Variants in TEKT5 observed in about 807,000 individuals in gnomAD.
TEKT5 encodes the protein tektin 5.
In TEKT5, 52 loss-of-function variants were observed where a neutral mutation model predicts 48.7. The observed-to-expected ratio is 1.07, with a 90% confidence interval of 0.86 to 1.35. The LOEUF (loss-of-function observed/expected upper bound fraction) is 1.35. TEKT5 is among the 40% of genes most tolerant of loss of function. The probability of loss-of-function intolerance (pLI) is 0.00; values close to 1 mark genes in which losing one functional copy is unlikely to be tolerated. For synonymous variants in TEKT5, 318 were observed against 267.6 expected (o/e 1.19, Z -1.84); for missense variants, 831 against 641.6 (o/e 1.30, Z -3.19).
chr16:10,679,206 T>C (rs903722354), intron 4 of TEKT5, among the ~76,000 whole-genome samples: 7 of 152,138 alleles, frequency 4.6e-5, no homozygotes, highest in African/African-American at 1.7e-4. Context: ...ATGTTGCATA[T>C]GAAGCTGTCA....
intron 5 of TEKT5, among the ~76,000 whole-genome samples, chr16:10,638,457 T>C (rs74007176): frequency 0.027 from 4,060 of 152,228 alleles, 143 homozygotes; most frequent in African/African-American, 0.08. Flanking sequence ...GACACAATGG[T>C]GAGGTTGCAT....
At chr16:10,691,947 CAA>C (rs36117622) in intron 1 of TEKT5, among the ~76,000 whole-genome samples, 14,237 of 103,518 alleles carry the variant, frequency 0.14, 793 homozygotes, top group Non-Finnish European at 0.17. Context: ...GAGTCCATCT[CAA>C]AAAAAAAAAA....
intron 5 of TEKT5, among the ~76,000 whole-genome samples, chr16:10,668,403 C>T (rs1271705710): frequency 6.6e-6 from 1 of 152,174 alleles, no homozygotes; most frequent in Non-Finnish European, 1.5e-5. Flanking sequence ...CAGGGCCAGG[C>T]TGCCAGCTCC....
chr16:10,640,211 T>C (rs941908458), intron 5 of TEKT5, among the ~76,000 whole-genome samples: 2 of 144,710 alleles, frequency 1.4e-5, no homozygotes, highest in African/African-American at 5.1e-5. Context: ...GGCAGGATCA[T>C]GGCTCACTGC....
chr16:10,652,078 A>C (rs1386242077), intron 5 of TEKT5, among the ~76,000 whole-genome samples: 2 of 152,224 alleles, frequency 1.3e-5, no homozygotes, highest in East Asian at 1.9e-4. Flanking sequence ...GAGCCGTTCC[A>C]CTACAGCAGG....
chr16:10,632,869 G>GACACACACACACACACACACACACAC (rs35503579), intron 6 of TEKT5, among the ~76,000 whole-genome samples: 1 of 131,646 alleles, frequency 7.6e-6, no homozygotes, highest in African/African-American at 2.8e-5. Context: ...CACAGATGCA[G>GACACACACACACACACACACACACAC]ACACACACAC....
intron 4 of TEKT5, among the ~76,000 whole-genome samples, chr16:10,680,478 A>G (rs893390515): frequency 6.0e-5 from 9 of 150,756 alleles, no homozygotes; most frequent in African/African-American, 2.2e-4. Flanking sequence ...TTTTTAACAG[A>G]AGAAGGCAGA....
At chr16:10,670,038 GCTGT>G (rs1341565984) in intron 5 of TEKT5, among the ~76,000 whole-genome samples, 1 of 152,186 alleles carries the variant, frequency 6.6e-6, no homozygotes, top group Admixed American at 6.5e-5. Flanking sequence ...AACAGATGAG[GCTGT>G]CTGCACAGCC....
chr16:10,680,039 C>G (rs1898719287), intron 4 of TEKT5, among the ~76,000 whole-genome samples: 1 of 152,230 alleles, frequency 6.6e-6, no homozygotes, highest in Admixed American at 6.5e-5. Context: ...AGGAGCAGGT[C>G]CCTCCTGGGT....
chr16:10,662,437 G>A (rs939486779), intron 5 of TEKT5, among the ~76,000 whole-genome samples: 1 of 152,148 alleles, frequency 6.6e-6, no homozygotes, highest in Non-Finnish European at 1.5e-5. Flanking sequence ...CCCCAGGTTG[G>A]GGAGAACAAT....
chr16:10,657,656 C>G (rs1335624497), intron 5 of TEKT5, among the ~76,000 whole-genome samples: 2 of 150,416 alleles, frequency 1.3e-5, no homozygotes, highest in Admixed American at 6.6e-5. Flanking sequence ...GTGGCGCAAT[C>G]TCGGCTCACT....
chr16:10,653,548 G>A (rs1290172302), intron 5 of TEKT5, among the ~76,000 whole-genome samples: 3 of 152,182 alleles, frequency 2.0e-5, no homozygotes, highest in Admixed American at 6.5e-5. Flanking sequence ...ATTCAACATC[G>A]ATTGAGCCCT....
At chr16:10,676,256 T>C (rs1399537900) in intron 4 of TEKT5, 75 bp from the exon 5 acceptor site, 1 of 1,438,074 alleles carries the variant, frequency 7.0e-7, no homozygotes, top group African/African-American at 1.4e-5. Flanking sequence ...CTTGGCAGTC[T>C]TGGCCTCTGG....
At chr16:10,636,702 TG>T (rs1897918496) in intron 5 of TEKT5, among the ~76,000 whole-genome samples, 1 of 151,326 alleles carries the variant, frequency 6.6e-6, no homozygotes, top group East Asian at 1.9e-4. Context: ...TGTGTGTGTG[TG>T]TGTGTGTGTG....
intron 3 of TEKT5, among the ~76,000 whole-genome samples, chr16:10,685,976 C>A (rs1433338981): frequency 6.6e-6 from 1 of 152,218 alleles, no homozygotes; most frequent in African/African-American, 2.4e-5. Flanking sequence ...CCGGCTCAAA[C>A]TATCCCACTT....
chr16:10,632,049 G>C (rs1163804916), intron 6 of TEKT5, among the ~76,000 whole-genome samples: 1 of 152,222 alleles, frequency 6.6e-6, no homozygotes, highest in Non-Finnish European at 1.5e-5. Context: ...CTCAGGACCA[G>C]AGGACATGAA....
At chr16:10,675,689 A>T (rs1167658799) in intron 5 of TEKT5, among the ~76,000 whole-genome samples, 1 of 152,216 alleles carries the variant, frequency 6.6e-6, no homozygotes, top group Non-Finnish European at 1.5e-5. Flanking sequence ...ATGGAAAATA[A>T]GGGGTCCTGG....
intron 5 of TEKT5, among the ~76,000 whole-genome samples, chr16:10,643,349 A>C (rs1187884871): frequency 1.3e-5 from 2 of 152,154 alleles, no homozygotes; most frequent in Non-Finnish European, 1.5e-5. Flanking sequence ...ATTGCACTGC[A>C]GGCTGGGCGA....
At chr16:10,646,092 T>C (rs888847228) in intron 5 of TEKT5, among the ~76,000 whole-genome samples, 4 of 151,534 alleles carry the variant, frequency 2.6e-5, no homozygotes, top group Admixed American at 6.6e-5. Context: ...ATCACAACAC[T>C]GTACTGCATT....
Sources: gnomAD v4.1 joint callset for allele counts (sites outside exome capture counted in the v4.1 genomes callset) on GRCh38, gnomAD v4.1.1 for gene constraint, MANE v1.5 for transcripts, NCBI Gene and HGNC (gene_info 2026-07-23, HGNC 2026-07-21) for gene names.